The following FSD1L variants were observed in gnomAD, a reference collection of about 807,000 sequenced individuals.
The protein encoded by FSD1L is fibronectin type III and SPRY domain containing 1 like, also known as FSD1-like protein.
A neutral mutation model predicts 71.6 loss-of-function variants in FSD1L; 45 were observed. The observed-to-expected ratio is 0.63, with a 90% CI of 0.49 to 0.81. The LOEUF (loss-of-function observed/expected upper bound fraction) is 0.81. Ranked by LOEUF, FSD1L falls within the 30% of genes least tolerant of loss-of-function variation. The pLI is 0.00. For missense variants in FSD1L, 561 were observed against 618.1 expected (o/e 0.91, Z 0.98); for synonymous variants, 197 against 207.2 (o/e 0.95, Z 0.42).
intron 7 of FSD1L, among the ~76,000 whole-genome samples, chr9:105,498,628 T>C (rs1350745923): frequency 6.6e-6 from 1 of 152,250 alleles, no homozygotes. Flanking sequence ...GGCTTATGGC[T>C]CATGACCATA....
intron 7 of FSD1L, among the ~76,000 whole-genome samples, chr9:105,502,894 T>C (rs1589030245): frequency 2.6e-5 from 4 of 151,572 alleles, no homozygotes; most frequent in Non-Finnish European, 5.9e-5. Context: ...ATTTTTTTTT[T>C]TTTTTTTTGA....
In FSD1L at chr9:105,491,988, T is replaced by C. The variant is rs577933722; in HGVS notation, c.586+7486T>C. Among the ~76,000 whole-genome samples, 4 of 152,166 alleles carry C rather than the reference T, an allele frequency of 2.6e-5. No individual in the cohort carries two copies. The South Asian group carries it at 8.3e-4, about 32-fold the overall frequency. ...TTTTGGTTGTGTCTCTGCCCGGCTT[T>C]GGTATCAGGATGATGCTGGCCTCGT... On this transcript the variant is annotated intron_variant, in intron 7 of 13. Transcript: ENST00000481272.
intron 3 of FSD1L, among the ~76,000 whole-genome samples, chr9:105,467,981 G>A (rs1831187659): frequency 6.6e-6 from 1 of 152,168 alleles, no homozygotes; most frequent in South Asian, 2.1e-4. Flanking sequence ...TTAACTGATA[G>A]TATAGCTGAA....
At chr9:105,530,846 CTTAA>C (rs1835846229) in intron 10 of FSD1L, 5 of 408,978 alleles carry the variant, frequency 1.2e-5, no homozygotes, top group Non-Finnish European at 1.8e-5. Context: ...ACAGGTGTTC[CTTAA>C]TTGATAGTAT....
Position 105,477,652 on chromosome 9 carries a change from TTTCC to T in FSD1L, c.442-1695_442-1692del, listed in dbSNP as rs139330463. Among the ~76,000 whole-genome samples the T allele has an allele frequency of 1.9e-3, 282 of 152,332 alleles. 3 individuals are homozygous for T. In the East Asian group the frequency reaches 0.044, roughly 24 times the overall value. On this transcript the variant is annotated intron_variant, in intron 5 of 13. Coordinates refer to ENST00000481272, the MANE Select transcript of FSD1L (RefSeq NM_001145313.3). Reference sequence around the variant, plus strand: ...ATCAGGTACAGAGAAGAGTCCTTTCTTTCCTTCCTTTAACACTTACATTAAAATC... The same window carrying T: ...ATCAGGTACAGAGAAGAGTCCTTTCTTTCCTTTAACACTTACATTAAAATC...
intron 3 of FSD1L, among the ~76,000 whole-genome samples, chr9:105,465,039 A>G (rs1201994020): frequency 6.6e-6 from 1 of 152,218 alleles, no homozygotes; most frequent in Non-Finnish European, 1.5e-5. Context: ...TGAAAGTAAC[A>G]TAAAAATAAA....
At position 105,471,350 on chromosome 9, in the gene FSD1L, G is replaced by A. The variant is rs113747241; in HGVS notation, c.340-554G>A. 9.2e-3 allele frequency among the ~76,000 whole-genome samples: 1,403 copies of A among 152,094 alleles called. 22 individuals carry two copies. Among genetic ancestry groups the A allele is most frequent in the African/African-American group, 0.032 (1,344 of 41,492 alleles). Reference sequence around the variant, plus strand: ...TGTTGTTTGTCGGGACCTTCTTTCTGCTTGAATATATGTGGACAGTTTGTT... The same window carrying A: ...TGTTGTTTGTCGGGACCTTCTTTCTACTTGAATATATGTGGACAGTTTGTT... On this transcript the variant is annotated intron_variant, in intron 4 of 13. Coordinates refer to ENST00000481272, the MANE Select transcript of FSD1L (RefSeq NM_001145313.3).
intron 3 of FSD1L, 116 bp downstream of exon 3, chr9:105,464,447 T>G: frequency 2.0e-6 from 1 of 498,336 alleles, no homozygotes; most frequent in South Asian, 3.8e-5. Flanking sequence ...AGCAGAGCTT[T>G]AAAATAGCAG....
rs1471450006 is a variant in FSD1L at position 105,461,525 on chromosome 9, C to CT, written c.24dup (p.Lys9Ter). 6.5e-7 allele frequency: 1 copy of CT among 1,547,068 alleles called. No homozygotes were observed. Among genetic ancestry groups the CT allele is most frequent in the Admixed American group, 2.0e-5 (1 of 50,984 alleles). ...ACTGTATTTATATTGGACAGTACTG[C>CT]TTTAAGGAGAATGAAAACGTTACAG... On this transcript the variant is annotated frameshift_variant, in exon 2 of 14. Coordinates refer to ENST00000481272, the MANE Select transcript of FSD1L (RefSeq NM_001145313.3). LOFTEE classifies it high-confidence loss of function.
At chr9:105,503,133 C>T (rs1833866030) in intron 7 of FSD1L, among the ~76,000 whole-genome samples, 1 of 152,084 alleles carries the variant, frequency 6.6e-6, no homozygotes, top group Admixed American at 6.5e-5. Context: ...AGTGATCCTC[C>T]TGCCTCAGCT....
intron 10 of FSD1L, chr9:105,521,176 G>A (rs1276247105): frequency 3.7e-6 from 6 of 1,613,932 alleles, no homozygotes; most frequent in African/African-American, 1.3e-5. Flanking sequence ...GTCATTCGTT[G>A]GCTGGTTTCT....
At chr9:105,518,306 C>T (rs1028849472) in intron 10 of FSD1L, among the ~76,000 whole-genome samples, 9 of 152,138 alleles carry the variant, frequency 5.9e-5, no homozygotes, top group Non-Finnish European at 1.2e-4. Context: ...CTGGATCAAG[C>T]GGACGTAATA....
intron 1 of FSD1L, among the ~76,000 whole-genome samples, chr9:105,453,506 T>A (rs1278646075): frequency 1.3e-5 from 2 of 152,054 alleles, no homozygotes; most frequent in Admixed American, 6.6e-5. Context: ...TGTGTGTGTG[T>A]GTGTGCGTGT....
At chr9:105,520,035 C>T (rs1589065425) in intron 10 of FSD1L, 2 of 1,486,950 alleles carry the variant, frequency 1.3e-6, no homozygotes, top group Non-Finnish European at 1.8e-6. Context: ...ATGAGCCTCT[C>T]TGGCTAGTCT....
At chr9:105,464,098 G>A (rs1350466615) in intron 2 of FSD1L, 138 bp from the exon 3 acceptor site, 5 of 582,688 alleles carry the variant, frequency 8.6e-6, no homozygotes, top group Admixed American at 3.5e-5. Flanking sequence ...TGGAAGTTTT[G>A]AAGAATGAGA....
At chr9:105,494,166 A>G (rs1833174912) in intron 7 of FSD1L, among the ~76,000 whole-genome samples, 3 of 152,156 alleles carry the variant, frequency 2.0e-5, no homozygotes, top group South Asian at 2.1e-4. Flanking sequence ...GTCTTTTCAC[A>G]TAGTCCCATA....
At chr9:105,522,939 C>T in intron 10 of FSD1L, 1 of 1,612,840 alleles carries the variant, frequency 6.2e-7, no homozygotes, top group Admixed American at 1.7e-5. Flanking sequence ...ATGGACTTCT[C>T]CTGCCAGTGC....
Position 105,524,547 on chromosome 9 carries a change from G to A in FSD1L, c.1026-9946G>A. The A allele has an allele frequency of 2.5e-6, 4 of 1,613,972 alleles. No homozygotes were observed. In the South Asian group the frequency reaches 4.4e-5, roughly 18 times the overall value. On this transcript the variant is annotated intron_variant, in intron 10 of 13. Transcript: ENST00000481272. ...ATCTGTTCTCAATTGCATTTATAAG[G>A]TTTTACATGGGTGTGTTTATGGAGC... is the stretch of plus-strand genomic sequence containing the variant.
intron 10 of FSD1L, among the ~76,000 whole-genome samples, chr9:105,515,603 C>T (rs1344417780): frequency 1.3e-5 from 2 of 152,068 alleles, no homozygotes; most frequent in Non-Finnish European, 2.9e-5. Flanking sequence ...CTCCCCTACC[C>T]AAGGGAAGCC....
Sources: gnomAD v4.1 joint callset for allele counts (sites outside exome capture counted in the v4.1 genomes callset) on GRCh38, gnomAD v4.1.1 for gene constraint, MANE v1.5 for transcripts, NCBI Gene and HGNC (gene_info 2026-07-23, HGNC 2026-07-21) for gene names.